The following PTGER4 variants were observed in gnomAD, a reference collection of about 807,000 sequenced individuals.
PTGER4 encodes the protein prostaglandin E receptor 4.
PTGER4 carries 11 observed loss-of-function variants against 33.2 expected under a neutral mutation model. The ratio of observed to expected loss-of-function variants is 0.33; its 90% CI spans 0.21 to 0.55. The LOEUF (loss-of-function observed/expected upper bound fraction) is 0.55. Among genes scored for constraint, PTGER4 ranks in the 20% least tolerant of loss-of-function variants. PTGER4 has a pLI of 0.92. For missense variants in PTGER4, 481 were observed against 650.2 expected (o/e 0.74, Z 2.83); for synonymous variants, 275 against 281.5 (o/e 0.98, Z 0.23).
downstream of PTGER4, among the ~76,000 whole-genome samples, chr5:40,697,824 T>A (rs969680749): frequency 6.6e-6 from 1 of 151,396 alleles, no homozygotes; most frequent in Non-Finnish European, 1.5e-5. Context: ...ATAAGTATAC[T>A]CATATCAAAT....
the PTGER4 span, among the ~76,000 whole-genome samples, chr5:40,713,037 T>TA: frequency 2.0e-5 from 3 of 152,116 alleles, no homozygotes; most frequent in Non-Finnish European, 4.4e-5. Context: ...AAGAAAAACT[T>TA]AACTTTCTCA....
chr5:40,684,305 G>A (rs1741275448), intron 2 of PTGER4, among the ~76,000 whole-genome samples: 1 of 152,098 alleles, frequency 6.6e-6, no homozygotes, highest in Admixed American at 6.6e-5. Flanking sequence ...CAGTTCCAAA[G>A]AAACTAATGA....
At chr5:40,703,902 C>CAAAAAAAAAAAAAAAAAAAAAAAAA in the PTGER4 span, among the ~76,000 whole-genome samples, 1 of 37,232 alleles carries the variant, frequency 2.7e-5, no homozygotes, top group Non-Finnish European at 4.8e-5. Context: ...GACGCCGTCT[C>CAAAAAAAAAAAAAAAAAAAAAAAAA]AAAAAAAAAA....
At chr5:40,706,963 C>T in the PTGER4 span, among the ~76,000 whole-genome samples, 2 of 152,078 alleles carry the variant, frequency 1.3e-5, no homozygotes, top group Non-Finnish European at 2.9e-5. Context: ...AAAATCCTTT[C>T]CAGACAAACA....
chr5:40,738,138 A>C, the PTGER4 span, among the ~76,000 whole-genome samples: 4 of 152,268 alleles, frequency 2.6e-5, no homozygotes, highest in Non-Finnish European at 4.4e-5. Context: ...CAGGCCAGGC[A>C]CAGTGGCTCA....
At chr5:40,688,771 T>A (rs1052470988) in intron 2 of PTGER4, among the ~76,000 whole-genome samples, 8 of 152,240 alleles carry the variant, frequency 5.3e-5, no homozygotes, top group Non-Finnish European at 1.2e-4. Flanking sequence ...GATTTTTTTT[T>A]AAATCAAGTA....
chr5:40,696,198 A>G (rs1035558770), downstream of PTGER4, among the ~76,000 whole-genome samples: 2 of 151,946 alleles, frequency 1.3e-5, no homozygotes, highest in African/African-American at 4.8e-5. Context: ...CAAAAGGGAC[A>G]TGGAAAAATC....
At position 40,691,410 on chromosome 5, in the gene PTGER4, G is replaced by A. The variant is rs191602851; in HGVS notation, c.868-369G>A. 2.2e-3 allele frequency among the ~76,000 whole-genome samples: 331 copies of A among 152,368 alleles called. 1 individual carries two copies. Among genetic ancestry groups the A allele is most frequent in the Non-Finnish European group, 3.7e-3 (250 of 68,038 alleles). The stretch of plus-strand genomic sequence containing the variant: ...TTGGCCAGGAGGTTCTCAATCTCTT[G>A]ACCTAGTGATCCGCCTACCTCGGCC... On this transcript the variant is annotated intron_variant, in intron 2 of 2. Transcript: ENST00000302472. The surrounding 1 kb of genome is among the most constrained non-coding windows in gnomAD (Gnocchi z 4.2).
chr5:40,726,430 T>C, the PTGER4 span, among the ~76,000 whole-genome samples: 58 of 151,880 alleles, frequency 3.8e-4, 1 homozygote, highest in Non-Finnish European at 5.7e-4. Flanking sequence ...ATATTTTACA[T>C]AGTGTCCCTT....
At chr5:40,707,546 C>T in the PTGER4 span, among the ~76,000 whole-genome samples, 1 of 152,070 alleles carries the variant, frequency 6.6e-6, no homozygotes, top group African/African-American at 2.4e-5. Flanking sequence ...CCTTACAGAC[C>T]TACAAAGAGA....
downstream of PTGER4, among the ~76,000 whole-genome samples, chr5:40,697,286 G>GAAAGAA (rs1741633569): frequency 7.6e-6 from 1 of 131,088 alleles, no homozygotes; most frequent in African/African-American, 2.6e-5. Flanking sequence ...AAGAAAGAAA[G>GAAAGAA]AAAGAAAGAA....
the PTGER4 span, among the ~76,000 whole-genome samples, chr5:40,702,845 G>T: frequency 6.6e-6 from 1 of 152,122 alleles, no homozygotes; most frequent in Admixed American, 6.5e-5. Context: ...AAAAATTGAA[G>T]TCAACACAAT....
the PTGER4 span, among the ~76,000 whole-genome samples, chr5:40,702,094 T>C: frequency 1.3e-4 from 20 of 152,124 alleles, no homozygotes; most frequent in African/African-American, 4.6e-4. Context: ...CAGAGACCAG[T>C]GTCACTATAA....
At position 40,692,264 on chromosome 5, in the gene PTGER4, C is replaced by T; in HGVS notation, c.1353C>T (p.Val451=). 1 of 1,614,254 alleles carries T rather than the reference C, an allele frequency of 6.2e-7. No homozygotes were observed. Among genetic ancestry groups the T allele is most frequent in the South Asian group, 1.1e-5 (1 of 91,086 alleles). The change falls in exon 3 of 3, where the codon GTC becomes GTT. Residue 451 remains valine (V), a synonymous_variant. Coordinates refer to ENST00000302472, the MANE Select transcript of PTGER4 (RefSeq NM_000958.3). ...CACAGGGTCAGGACTCAGAGAGTGT[C>T]TTACTGGTGGATGAGGCTGGTGGGA... ...DSSQGQDSES[V]LLVDEAGGSG... is the part of the protein sequence containing the mutation.
the PTGER4 span, among the ~76,000 whole-genome samples, chr5:40,717,616 A>G: frequency 6.6e-6 from 1 of 152,242 alleles, no homozygotes. Context: ...TAGTTGTGAT[A>G]AACAAAAATG....
At position 40,691,640 on chromosome 5, in the gene PTGER4, T is replaced by C. The variant is rs193097227; in HGVS notation, c.868-139T>C. ...CCATGACTGGTTTTTCTGAGGCTTATTATGTAGCTTCCTCTTTTCCTGGAA... is the reference window on the plus strand; with the variant it reads ...CCATGACTGGTTTTTCTGAGGCTTACTATGTAGCTTCCTCTTTTCCTGGAA... On this transcript the variant is annotated intron_variant, in intron 2 of 2. Coordinates refer to ENST00000302472, the MANE Select transcript of PTGER4 (RefSeq NM_000958.3). The surrounding 1 kb of genome is among the most constrained non-coding windows in gnomAD (Gnocchi z 4.2). 9 of 1,233,618 alleles carry C rather than the reference T, an allele frequency of 7.3e-6. No homozygotes were observed. The highest frequency in any genetic ancestry group is 1.0e-5 in the Non-Finnish European group (9 of 898,354). The allele number at this position is 1,233,618 out of a possible 1,614,324, so 76.4% of individuals were successfully genotyped here.
the PTGER4 span, among the ~76,000 whole-genome samples, chr5:40,734,656 C>T: frequency 1.3e-5 from 2 of 152,154 alleles, no homozygotes; most frequent in East Asian, 3.8e-4. Context: ...TTTACTGTGG[C>T]TTTAAATTTA....
At chr5:40,710,120 A>G in the PTGER4 span, among the ~76,000 whole-genome samples, 1 of 152,226 alleles carries the variant, frequency 6.6e-6, no homozygotes, top group African/African-American at 2.4e-5. Context: ...AAAAGAAACT[A>G]CCATCAGAGT....
At chr5:40,684,948 C>T (rs1163627615) in intron 2 of PTGER4, among the ~76,000 whole-genome samples, 1 of 152,144 alleles carries the variant, frequency 6.6e-6, no homozygotes, top group Non-Finnish European at 1.5e-5. Flanking sequence ...GCAAGCAAGA[C>T]AGCCTCCTAA....
Sources: allele counts gnomAD v4.1 joint callset (sites outside exome capture counted in the v4.1 genomes callset), GRCh38; gene constraint gnomAD v4.1.1; non-coding constraint Gnocchi (gnomAD v3.1); transcripts MANE v1.5; gene names NCBI Gene and HGNC (gene_info 2026-07-23, HGNC 2026-07-21).